The following TRPC1 variants were observed in gnomAD, a reference collection of about 807,000 sequenced individuals.
TRPC1 encodes transient receptor potential cation channel subfamily C member 1.
In TRPC1, 42 loss-of-function variants were observed where a neutral mutation model predicts 88.2. The ratio of observed to expected loss-of-function variants is 0.48; its 90% CI spans 0.37 to 0.62. The LOEUF (loss-of-function observed/expected upper bound fraction) is 0.62. TRPC1 is among the 20% of genes least tolerant of loss of function. TRPC1 has a pLI of 0.00. For synonymous variants in TRPC1, 288 were observed against 331.8 expected (o/e 0.87, Z 1.43); for missense variants, 699 against 957.3 (o/e 0.73, Z 3.56).
intron 4 of TRPC1, among the ~76,000 whole-genome samples, chr3:142,773,332 G>GA (rs1236930167): frequency 5.3e-5 from 8 of 151,060 alleles, no homozygotes; most frequent in Admixed American, 1.3e-4. Flanking sequence ...CCTGCCCCAG[G>GA]AAAAAAAATC....
chr3:142,726,204 A>G (rs1399435661), intron 1 of TRPC1, among the ~76,000 whole-genome samples: 1 of 152,164 alleles, frequency 6.6e-6, no homozygotes, highest in Non-Finnish European at 1.5e-5. Context: ...ATTCCAGCTC[A>G]CTGTGCAATG....
At chr3:142,739,341 A>G (rs1934258465) in intron 2 of TRPC1, among the ~76,000 whole-genome samples, 1 of 152,176 alleles carries the variant, frequency 6.6e-6, no homozygotes, top group Non-Finnish European at 1.5e-5. Context: ...AACTTGCCCA[A>G]AGTCATTCTG....
chr3:142,743,425 AAAG>A (rs1039695976), intron 2 of TRPC1, 57 bp from the exon 3 acceptor site: 49 of 1,243,016 alleles, frequency 3.9e-5, no homozygotes, highest in South Asian at 9.0e-5. Flanking sequence ...GAATTAGTAA[AAAG>A]AAGTAGTTTA....
intron 4 of TRPC1, among the ~76,000 whole-genome samples, chr3:142,758,825 CCT>C (rs1935078511): frequency 8.1e-6 from 1 of 123,814 alleles, no homozygotes; most frequent in Admixed American, 9.0e-5. Context: ...ATCCCTCCCC[CCT>C]CCCCCACCCC....
In TRPC1 at chr3:142,804,186, C is replaced by A; in HGVS notation, c.1959+8C>A. On this transcript the variant is annotated splice_region_variant and intron_variant, in intron 11 of 12. Transcript: ENST00000476941. ...AGCTTTCAGTTGATAGCAGTAAGTT[C>A]ATTCTTTTAAAAACTTTATATTCTC... The A allele has an allele frequency of 6.2e-7, 1 of 1,613,530 alleles. No individual in the cohort carries two copies. Among genetic ancestry groups the A allele is most frequent in the South Asian group, 1.1e-5 (1 of 91,022 alleles).
At position 142,791,124 on chromosome 3, in the gene TRPC1, CA is replaced by C; in HGVS notation, c.1405del (p.Thr469ProfsTer40). 6.2e-7 allele frequency: 1 copy of C among 1,608,978 alleles called. No homozygotes were observed. Among genetic ancestry groups the C allele is most frequent in the Non-Finnish European group, 8.5e-7 (1 of 1,177,944 alleles). ...LSFVMNSLYL[A>X]TFALKVVAHN... The stretch of plus-strand genomic sequence containing the variant: ...TTTGTCATGAATTCTCTTTATTTGG[CA>C]ACCTTTGCCCTCAAAGTGGTTGCTC... On this transcript the variant is annotated frameshift_variant, in exon 8 of 13. Coordinates refer to ENST00000476941, the MANE Select transcript of TRPC1 (RefSeq NM_001251845.2). LOFTEE classifies it high-confidence loss of function.
intron 6 of TRPC1, among the ~76,000 whole-genome samples, chr3:142,784,315 A>AGTTAATACTT (rs1936061142): frequency 6.6e-6 from 1 of 152,124 alleles, no homozygotes; most frequent in African/African-American, 2.4e-5. Context: ...AGCTAATAAT[A>AGTTAATACTT]ATAGTTAATA....
chr3:142,728,798 T>A (rs1933784498), intron 1 of TRPC1, among the ~76,000 whole-genome samples: 2 of 152,182 alleles, frequency 1.3e-5, no homozygotes, highest in Non-Finnish European at 2.9e-5. Context: ...GCCTTTAAAA[T>A]TTTTTTACTT....
intron 4 of TRPC1, among the ~76,000 whole-genome samples, chr3:142,752,855 C>T (rs763645624): frequency 6.6e-6 from 1 of 152,160 alleles, no homozygotes; most frequent in African/African-American, 2.4e-5. Context: ...CTGCACAGCC[C>T]TAGGTCCCTT....
At chr3:142,763,983 T>TATATATATATATATATAC (rs1441314374) in intron 4 of TRPC1, among the ~76,000 whole-genome samples, 11 of 74,352 alleles carry the variant, frequency 1.5e-4, no homozygotes, top group South Asian at 3.4e-4. Context: ...TATATATATA[T>TATATATATATATATATAC]ACACATACAT....
chr3:142,769,397 T>G (rs1038615412), intron 4 of TRPC1, among the ~76,000 whole-genome samples: 1 of 152,194 alleles, frequency 6.6e-6, no homozygotes, highest in African/African-American at 2.4e-5. Context: ...CTTTCAGTGT[T>G]GCGCAGGCTG....
Position 142,804,606 on chromosome 3 carries a change from G to T in TRPC1, c.2130G>T (p.Lys710Asn). Residue 710 changes from lysine (K) to asparagine (N), a missense_variant, in exon 12 of 13, where the codon AAG (lysine) becomes AAT (asparagine). Physicochemically the swap from Lys to Asn is moderately conservative, Grantham distance 94. Transcript: ENST00000476941. ...TTTGCTCTCATACATCAAAAGGCAA[G>T]GTCAAACGGCAAAACAGTTTAAAGG... ...KWICSHTSKG[K>N]VKRQNSLKEW... 1 of 1,604,188 alleles carries T rather than the reference G, an allele frequency of 6.2e-7. No homozygotes were observed. The highest frequency in any genetic ancestry group is 1.7e-5 in the Admixed American group (1 of 58,148).
At chr3:142,741,854 C>A (rs942610699) in intron 2 of TRPC1, among the ~76,000 whole-genome samples, 2 of 152,086 alleles carry the variant, frequency 1.3e-5, no homozygotes, top group African/African-American at 2.4e-5. Flanking sequence ...CTATAGTTAG[C>A]TTTATTGGTT....
At chr3:142,772,216 A>G (rs865812929) in intron 4 of TRPC1, among the ~76,000 whole-genome samples, 3 of 151,790 alleles carry the variant, frequency 2.0e-5, no homozygotes, top group Non-Finnish European at 2.9e-5. Flanking sequence ...GAAATTTGGG[A>G]AGTTGTTAGC....
rs1936315783 is a variant in TRPC1, at chr3:142,792,282, T to G, written c.1438-542T>G. ...TATCCAAATCAGGACATTTTGAGAG[T>G]GAAAGGGGGCACTATTAATAATTAT... On this transcript the variant is annotated intron_variant, in intron 8 of 12. Coordinates refer to ENST00000476941, the MANE Select transcript of TRPC1 (RefSeq NM_001251845.2). This position sits in a 1 kb window ranked among gnomAD's most constrained non-coding sequence, Gnocchi z 4.0. Among the ~76,000 whole-genome samples, 1 of 151,964 alleles carries G rather than the reference T, an allele frequency of 6.6e-6. No homozygotes were observed. The highest frequency in any genetic ancestry group is 6.6e-5 in the Admixed American group (1 of 15,234).
chr3:142,736,305 C>CT (rs1433480083), intron 1 of TRPC1, 74 bp from the exon 2 acceptor site: 2 of 1,166,610 alleles, frequency 1.7e-6, no homozygotes, highest in Admixed American at 6.2e-5. Context: ...ATTCAACAAG[C>CT]TAAGTTTTTC....
chr3:142,795,330 A>G (rs1005168668), intron 9 of TRPC1, among the ~76,000 whole-genome samples: 10 of 123,548 alleles, frequency 8.1e-5, no homozygotes, highest in Non-Finnish European at 1.5e-4. Context: ...AAATTTGAAG[A>G]AAACTATAAA....
At chr3:142,742,630 T>C (rs1219634334) in intron 2 of TRPC1, among the ~76,000 whole-genome samples, 2 of 152,234 alleles carry the variant, frequency 1.3e-5, no homozygotes, top group African/African-American at 2.4e-5. Context: ...TTAATGATTA[T>C]AGCAGTTAAA....
At chr3:142,745,235 C>T (rs112397265) in intron 3 of TRPC1, among the ~76,000 whole-genome samples, 31 of 152,306 alleles carry the variant, frequency 2.0e-4, no homozygotes, top group African/African-American at 7.5e-4. Context: ...TATTTTGGCA[C>T]ACCTGTCCCA....
Sources: allele counts gnomAD v4.1 joint callset (sites outside exome capture counted in the v4.1 genomes callset), GRCh38; gene constraint gnomAD v4.1.1; non-coding constraint Gnocchi (gnomAD v3.1); transcripts MANE v1.5; gene names NCBI Gene and HGNC (gene_info 2026-07-23, HGNC 2026-07-21).